CHM: variants seen among roughly 807,000 people sequenced by gnomAD.
CHM encodes the protein rab proteins geranylgeranyltransferase component A 1.
Under a neutral mutation model 49.0 loss-of-function variants are expected in CHM, and 10 were observed. The ratio of observed to expected loss-of-function variants is 0.20; its 90% CI spans 0.13 to 0.35. The LOEUF is 0.35. Ranked by LOEUF, CHM falls within the 10% of genes least tolerant of loss-of-function variation. The pLI is 1.00. For synonymous variants in CHM, 184 were observed against 167.5 expected, an observed-to-expected ratio of 1.10 and a Z score of -0.76; for missense variants, 455 against 478.4, an observed-to-expected ratio of 0.95 and a Z score of 0.46.
intron 2 of CHM, among the ~76,000 whole-genome samples, chrX:86,018,606 T>G (rs547777637): frequency 1.5e-3 from 170 of 112,484 alleles, no homozygotes; most frequent in African/African-American, 5.2e-3. Context: ...AGCAATTTTA[T>G]CTGTAATAAC....
chrX:85,901,830 A>G (rs1326441708), intron 9 of CHM, among the ~76,000 whole-genome samples: 1 of 112,036 alleles, frequency 8.9e-6, no homozygotes, highest in Non-Finnish European at 1.9e-5. Flanking sequence ...TTATGCACGG[A>G]CATTATCAGG....
chrX:85,957,896 G>A lies in CHM; in HGVS notation c.899C>T (p.Thr300Ile), dbSNP rs1486342443. 5 of 1,209,385 alleles carry A rather than the reference G, an allele frequency of 4.1e-6. No individual in the cohort carries two copies. Among genetic ancestry groups the A allele is most frequent in the Non-Finnish European group, 5.6e-6 (5 of 894,099 alleles). The change falls in exon 7 of 15, where the codon ACA becomes ATA. Residue 300 changes from threonine (T) to isoleucine (I), a missense_variant. Coordinates refer to ENST00000357749, the MANE Select transcript of CHM (RefSeq NM_000390.4). ...ATATTTCTCATATTCCATACAAAATGTAAGAAATTTCATTAGCATTCGCTT... is the reference window on the plus strand; with the variant it reads ...ATATTTCTCATATTCCATACAAAATATAAGAAATTTCATTAGCATTCGCTT... ...VEKRMLMKFL[T>I]FCMEYEKYPD...
At chrX:85,929,708 T>C (rs1484982495) in intron 8 of CHM, among the ~76,000 whole-genome samples, 4 of 112,368 alleles carry the variant, frequency 3.6e-5, no homozygotes, top group Admixed American at 2.8e-4. Flanking sequence ...ATATTAGTTT[T>C]AGCTCTTTTT....
At chrX:85,973,022 C>T (rs981350899) in intron 4 of CHM, among the ~76,000 whole-genome samples, 6 of 110,773 alleles carry the variant, frequency 5.4e-5, no homozygotes, top group Non-Finnish European at 9.5e-5. Flanking sequence ...AACCATAGGC[C>T]GGGCGCGGTG....
intron 2 of CHM, among the ~76,000 whole-genome samples, chrX:86,021,106 GTA>G (rs1312573619): frequency 8.4e-4 from 39 of 46,239 alleles, no homozygotes; most frequent in African/African-American, 3.0e-3. Context: ...ATATATATAC[GTA>G]TATATATGTG....
At chrX:85,944,124 A>G (rs972164743) in intron 8 of CHM, among the ~76,000 whole-genome samples, 2 of 111,885 alleles carry the variant, frequency 1.8e-5, no homozygotes, top group African/African-American at 6.5e-5. Context: ...TTCCAACAGT[A>G]TACTCCTTGG....
In CHM at chrX:85,970,520, T is replaced by C. The variant is rs1021346932; in HGVS notation, c.315-6468A>G. On this transcript the variant is annotated intron_variant, in intron 4 of 14. Transcript: ENST00000357749. The stretch of plus-strand genomic sequence containing the variant: ...ATGATACACTGGAAATAGCACACGT[T>C]TTTGAGTTAGAAAAACACAAGTTCA... 1.1e-5 allele frequency: 8 copies of C among 703,658 alleles called. No homozygotes were observed. In the Admixed American group the frequency reaches 3.5e-4, roughly 31 times the overall value. The allele number at this position is 703,658 out of a possible 1,213,427, so 58.0% of individuals were successfully genotyped here. A position where few individuals can be genotyped will look rare whatever the true frequency, so the allele number is the denominator to read the frequency against.
intron 8 of CHM, among the ~76,000 whole-genome samples, chrX:85,935,167 A>C (rs1392531312): frequency 9.0e-6 from 1 of 111,471 alleles, no homozygotes; most frequent in Non-Finnish European, 1.9e-5. Context: ...GATGTGTCAC[A>C]CAGTAAAAGA....
intron 1 of CHM, among the ~76,000 whole-genome samples, chrX:86,043,440 C>T (rs1344925417): frequency 9.3e-6 from 1 of 107,376 alleles, no homozygotes; most frequent in Non-Finnish European, 1.9e-5. Flanking sequence ...GGGTCTTGCT[C>T]TGTTGCCCAG....
chrX:85,861,740 C>G lies in CHM; in HGVS notation c.*2890G>C, dbSNP rs1166059507. The G allele has an allele frequency of 9.0e-6, 1 of 111,631 alleles. No homozygotes were observed. Among genetic ancestry groups the G allele is most frequent in the African/African-American group, 3.3e-5 (1 of 30,745 alleles). 9.2% of individuals were successfully genotyped at this position (111,631 alleles called of 1,213,427 possible). A position where few individuals can be genotyped will look rare whatever the true frequency, so the allele number is the denominator to read the frequency against. On this transcript the variant is annotated 3_prime_UTR_variant, in exon 15 of 15. Transcript: ENST00000357749. ...CAACATAGGATTAGGTATTGCTTCT[C>G]ATACTGATCACTAAACTAAATGGTA...
chrX:85,976,905 CACACACACAG>C (rs1421820513), intron 4 of CHM, among the ~76,000 whole-genome samples: 32 of 108,389 alleles, frequency 3.0e-4, no homozygotes, highest in African/African-American at 1.1e-3. Context: ...CACACACACA[CACACACACAG>C]AAAGAAAATG....
chrX:86,043,874 C>T (rs919125778), intron 1 of CHM, among the ~76,000 whole-genome samples: 1 of 110,670 alleles, frequency 9.0e-6, no homozygotes, highest in Non-Finnish European at 1.9e-5. Context: ...ATTACAGGCC[C>T]GTGCCACCAT....
intron 8 of CHM, among the ~76,000 whole-genome samples, chrX:85,949,695 G>A (rs977444243): frequency 4.6e-5 from 5 of 109,323 alleles, no homozygotes; most frequent in African/African-American, 1.0e-4. Context: ...CATCATATTC[G>A]GAAATAAGTG....
chrX:86,024,287 G>A (rs1051620954), intron 2 of CHM, among the ~76,000 whole-genome samples: 3 of 112,319 alleles, frequency 2.7e-5, no homozygotes, highest in African/African-American at 9.7e-5. Flanking sequence ...CAAGAGATGA[G>A]GCTGAAGGTG....
intron 14 of CHM, among the ~76,000 whole-genome samples, chrX:85,865,092 C>G (rs1923602190): frequency 2.7e-5 from 3 of 111,294 alleles, no homozygotes; most frequent in Non-Finnish European, 5.6e-5. Flanking sequence ...TTGTTGAGAA[C>G]TGAAATACAT....
intron 2 of CHM, among the ~76,000 whole-genome samples, chrX:86,018,425 A>C (rs976908594): frequency 8.9e-6 from 1 of 112,173 alleles, no homozygotes; most frequent in Non-Finnish European, 1.9e-5. Flanking sequence ...TCACTCATAC[A>C]CTGTTAATGG....
At chrX:85,947,120 T>C (rs1032324009) in intron 8 of CHM, among the ~76,000 whole-genome samples, 1 of 112,392 alleles carries the variant, frequency 8.9e-6, no homozygotes, top group East Asian at 2.8e-4. Context: ...CTTGGGAATT[T>C]TGAGTTAATG....
chrX:85,885,957 C>A (rs1254172871), intron 12 of CHM, among the ~76,000 whole-genome samples: 1 of 111,386 alleles, frequency 9.0e-6, no homozygotes, highest in Non-Finnish European at 1.9e-5. Context: ...ATAAAATTTA[C>A]ATTTAAAATT....
intron 5 of CHM, among the ~76,000 whole-genome samples, chrX:85,962,184 GT>G (rs1474705447): frequency 8.9e-6 from 1 of 112,234 alleles, no homozygotes; most frequent in East Asian, 2.8e-4. Flanking sequence ...GACTTGTTCA[GT>G]TTTTATGTTT....
Sources: gnomAD v4.1 joint callset for allele counts (sites outside exome capture counted in the v4.1 genomes callset) on GRCh38, gnomAD v4.1.1 for gene constraint, MANE v1.5 for transcripts, NCBI Gene and HGNC (gene_info 2026-07-23, HGNC 2026-07-21) for gene names.